SLC36A1: variants seen among roughly 807,000 people sequenced by gnomAD.
The protein encoded by SLC36A1 is solute carrier family 36 member 1, also known as proton-coupled amino acid transporter 1.
Under a neutral mutation model 47.5 loss-of-function variants are expected in SLC36A1, and 30 were observed. The observed-to-expected ratio is 0.63, with a 90% CI of 0.47 to 0.86. The LOEUF is 0.86. SLC36A1 is among the 40% of genes least tolerant of loss of function. The pLI, the probability that SLC36A1 is intolerant of heterozygous loss-of-function variation, is 0.00. For synonymous variants in SLC36A1, 255 were observed against 249.7 expected, an observed-to-expected ratio of 1.02 and a Z score of -0.20; for missense variants, 517 against 606.0, an observed-to-expected ratio of 0.85 and a Z score of 1.54.
At chr5:151,384,090 A>G in the SLC36A1 span, among the ~76,000 whole-genome samples, 1 of 152,122 alleles carries the variant, frequency 6.6e-6, no homozygotes, top group Admixed American at 6.5e-5. Flanking sequence ...AATTCTTCAA[A>G]TTATTCTCTC....
intron 10 of SLC36A1, 83 bp from the exon 11 acceptor site, chr5:151,487,900 G>T: frequency 6.7e-7 from 1 of 1,490,134 alleles, no homozygotes; most frequent in East Asian, 2.3e-5. Flanking sequence ...AAGATGGACA[G>T]ATGCTGAATT....
the SLC36A1 span, among the ~76,000 whole-genome samples, chr5:151,356,341 A>AAAAAAAAAAAAAAAAAAAAG: frequency 8.0e-6 from 1 of 124,738 alleles, no homozygotes; most frequent in Non-Finnish European, 1.5e-5. Context: ...CTGTCTCACA[A>AAAAAAAAAAAAAAAAAAAAG]AAAAAAAAAA....
At chr5:151,486,282 G>A (rs1184905222) in intron 10 of SLC36A1, among the ~76,000 whole-genome samples, 1 of 152,156 alleles carries the variant, frequency 6.6e-6, no homozygotes. Context: ...TCATTCATGA[G>A]GGATTTGCCC....
chr5:151,374,997 T>C, the SLC36A1 span, among the ~76,000 whole-genome samples: 1 of 151,622 alleles, frequency 6.6e-6, no homozygotes, highest in Non-Finnish European at 1.5e-5. Flanking sequence ...TATTTTCTCC[T>C]ATCTTGCAGA....
chr5:151,509,805 G>A, the SLC36A1 span: 151 of 542,544 alleles, frequency 2.8e-4, 1 homozygote, highest in Middle Eastern at 5.0e-4. Flanking sequence ...ACCATCTCCC[G>A]TTTCTCCTGC....
At chr5:151,487,961 G>A in intron 10 of SLC36A1, 22 bp from the exon 11 acceptor site, 1 of 1,613,026 alleles carries the variant, frequency 6.2e-7, no homozygotes, top group Non-Finnish European at 8.5e-7. Flanking sequence ...ATCTTAAACA[G>A]GCATGTCCTC....
chr5:151,554,599 A>G, the SLC36A1 span: 2 of 1,614,184 alleles, frequency 1.2e-6, no homozygotes, highest in Non-Finnish European at 1.7e-6. Context: ...GTGGATTGTC[A>G]TTGACGTCCA....
At chr5:151,480,058 A>G (rs1171200565) in intron 10 of SLC36A1, 1 of 1,483,772 alleles carries the variant, frequency 6.7e-7, no homozygotes, top group Non-Finnish European at 9.0e-7. Flanking sequence ...CATTCCCAGG[A>G]GTGTAAGTTA....
chr5:151,418,106 G>A, the SLC36A1 span, among the ~76,000 whole-genome samples: 851 of 152,368 alleles, frequency 5.6e-3, 8 homozygotes, highest in African/African-American at 0.019. Context: ...CAAGAACTGA[G>A]GTTTGGGAAC....
the SLC36A1 span, chr5:151,504,886 G>A: frequency 6.5e-6 from 1 of 152,952 alleles, no homozygotes; most frequent in African/African-American, 2.4e-5. Flanking sequence ...GTAGGCTGAG[G>A]AGTGGGACCT....
At chr5:151,354,493 C>T in the SLC36A1 span, among the ~76,000 whole-genome samples, 2 of 152,198 alleles carry the variant, frequency 1.3e-5, 1 homozygote, top group Admixed American at 1.3e-4. Context: ...AGTCTTTGTA[C>T]TCTCTGTGTT....
At chr5:151,538,070 G>A in the SLC36A1 span, 15 of 721,372 alleles carry the variant, frequency 2.1e-5, no homozygotes, top group Admixed American at 5.8e-5. Context: ...CAGAGACGAA[G>A]AGAGACAGAA....
the SLC36A1 span, among the ~76,000 whole-genome samples, chr5:151,429,833 C>T: frequency 6.6e-6 from 1 of 152,128 alleles, no homozygotes; most frequent in South Asian, 2.1e-4. Context: ...AGAAACAGAC[C>T]TCAAGCAGGC....
chr5:151,507,060 A>C, the SLC36A1 span: 1 of 1,107,170 alleles, frequency 9.0e-7, no homozygotes. Context: ...GATGCGTGGT[A>C]GCTAAAAATG....
the SLC36A1 span, among the ~76,000 whole-genome samples, chr5:151,524,982 T>C: frequency 2.0e-5 from 3 of 152,254 alleles, no homozygotes; most frequent in South Asian, 6.2e-4. Context: ...TATCTGTTTA[T>C]TGTTTATCTC....
chr5:151,418,911 T>A, the SLC36A1 span, among the ~76,000 whole-genome samples: 5 of 152,166 alleles, frequency 3.3e-5, no homozygotes, highest in African/African-American at 1.2e-4. Flanking sequence ...TCACCGCATG[T>A]CAAGGGAGAG....
chr5:151,507,736 C>T, the SLC36A1 span: 3 of 836,274 alleles, frequency 3.6e-6, no homozygotes, highest in Admixed American at 2.9e-5. Context: ...TTTCACCCCC[C>T]AAAAAAGTAA....
the SLC36A1 span, chr5:151,347,342 T>C: frequency 6.2e-7 from 1 of 1,614,134 alleles, no homozygotes; most frequent in Non-Finnish European, 8.5e-7. Flanking sequence ...TGAAGGACTT[T>C]CATCCAAGAA....
In SLC36A1 at chr5:151,488,361, C is replaced by T. The variant is rs1759839355; in HGVS notation, c.*107C>T. On this transcript the variant is annotated 3_prime_UTR_variant, in exon 11 of 11. Transcript: ENST00000243389. ...CAGGCTCTGAGGAAAGTCAGGGTTG[C>T]TGTGTGGGAACCCCTCTGCCTGGCA... 2.8e-6 allele frequency: 4 copies of T among 1,416,986 alleles called. No individual in the cohort carries two copies. Among genetic ancestry groups the T allele is most frequent in the East Asian group, 2.4e-5 (1 of 42,212 alleles). 87.8% of individuals were successfully genotyped at this position (1,416,986 alleles called of 1,614,324 possible). A position where few individuals can be genotyped will look rare whatever the true frequency, so the allele number is the denominator to read the frequency against.
Sources: gnomAD v4.1 joint callset for allele counts (sites outside exome capture counted in the v4.1 genomes callset) on GRCh38, gnomAD v4.1.1 for gene constraint, MANE v1.5 for transcripts, NCBI Gene and HGNC (gene_info 2026-07-23, HGNC 2026-07-21) for gene names.